TAS2R14: variants seen among roughly 807,000 people sequenced by gnomAD.
TAS2R14 encodes the protein taste 2 receptor member 14, also known as taste receptor type 2 member 14.
For synonymous variants in TAS2R14, 131 were observed against 131.0 expected (o/e 1.00, Z 0.00); for missense variants, 383 against 372.0 (o/e 1.03, Z -0.24).
exon 1 of TAS2R14, chr12:10,938,244 T>C (rs1950322364): frequency 5.9e-6 from 9 of 1,528,984 alleles, no homozygotes; most frequent in Non-Finnish European, 6.2e-6. Flanking sequence ...CTATTTTTTT[T>C]CTAATATATT....
intron 4 of TAS2R14, chr12:10,939,029 C>T (rs1476828012): frequency 6.2e-7 from 1 of 1,613,686 alleles, no homozygotes; most frequent in East Asian, 2.2e-5. Flanking sequence ...GAATATTAAC[C>T]AAACCAGGCT....
chr12:10,938,183 A>C, exon 1 of TAS2R14: 1 of 1,050,496 alleles, frequency 9.5e-7, no homozygotes, highest in Non-Finnish European at 1.4e-6. Context: ...ACACAATGAA[A>C]GAATCTTAAG....
At chr12:10,938,753 A>C (rs774994166) in exon 1 of TAS2R14, 1 of 1,613,782 alleles carries the variant, frequency 6.2e-7, no homozygotes, top group African/African-American at 1.3e-5. Context: ...ACTGGCATTT[A>C]TATGGATGTT....
chr12:10,938,082 T>C (rs1243085931), exon 1 of TAS2R14: 1 of 534,062 alleles, frequency 1.9e-6, no homozygotes, highest in Non-Finnish European at 3.3e-6. Context: ...CTTCTCTGTA[T>C]GGTAATATAC....
At chr12:10,938,448 A>G (rs750639763) in exon 1 of TAS2R14, 2 of 1,614,070 alleles carry the variant, frequency 1.2e-6, no homozygotes, top group South Asian at 2.2e-5. Flanking sequence ...AACCTTTCAG[A>G]GGTCCAAACT....
exon 5 of TAS2R14, chr12:10,938,330 G>C (rs1370908033): frequency 6.2e-7 from 1 of 1,614,004 alleles, no homozygotes. Context: ...CAGTAGCACT[G>C]ACAGAGAGGC....
chr12:10,938,522 C>T, exon 1 of TAS2R14: 1 of 1,613,988 alleles, frequency 6.2e-7, no homozygotes, highest in Non-Finnish European at 8.5e-7. Flanking sequence ...ACTTTTAACT[C>T]CTCTGTGGGC....
chr12:10,938,642 A>C, exon 1 of TAS2R14: 1 of 1,614,014 alleles, frequency 6.2e-7, no homozygotes, highest in South Asian at 1.1e-5. Flanking sequence ...AGTAAAGGGT[A>C]TGAAAATGAA....
Position 10,938,176 on chromosome 12 carries a change from C to A in TAS2R14, c.*78G>T, listed in dbSNP as rs991224059. On this transcript the variant is annotated 3_prime_UTR_variant, in exon 1 of 1. Coordinates refer to ENST00000537503, the Ensembl canonical transcript of TAS2R14. ...TTTGTAAAATTCACAAAGTTATACA[C>A]AATGAAAGAATCTTAAGGAAGTATA... 1.3e-5 allele frequency: 13 copies of A among 989,930 alleles called. No individual in the cohort carries two copies. The Admixed American group carries it at 2.5e-4, about 19-fold the overall frequency. The allele number at this position is 989,930 out of a possible 1,614,324, so 61.3% of individuals were successfully genotyped here. A position where few individuals can be genotyped will look rare whatever the true frequency, so the allele number is the denominator to read the frequency against.
chr12:10,937,799 T>C (rs1053205632), exon 1 of TAS2R14: 1 of 152,592 alleles, frequency 6.6e-6, no homozygotes, highest in Non-Finnish European at 1.5e-5. Flanking sequence ...AATTACTTTT[T>C]TGCATACACG....
At chr12:10,938,460 A>C in exon 1 of TAS2R14, 4 of 1,614,058 alleles carry the variant, frequency 2.5e-6, no homozygotes, top group Non-Finnish European at 3.4e-6. Context: ...GTCCAAACTG[A>C]TATGAAAAAA....
exon 1 of TAS2R14, chr12:10,938,734 T>A (rs763565536): frequency 6.2e-7 from 1 of 1,613,918 alleles, no homozygotes; most frequent in Non-Finnish European, 8.5e-7. Context: ...TTCTTCTGTA[T>A]CCATTGATAC....
At chr12:10,938,136 G>T in exon 1 of TAS2R14, 1 of 675,614 alleles carries the variant, frequency 1.5e-6, no homozygotes. Context: ...GGATGGTGTT[G>T]ATTCCAAGCA....
At position 10,938,594 on chromosome 12, in the gene TAS2R14, A is replaced by G. The variant is rs748057911; in HGVS notation, c.614T>C (p.Met205Thr). ...CTGCATCTTCTTGCGATGTTTCCAC[A>G]TGGAGAAGATGAGGAGAAGAAACAT... Residue 205 changes from methionine (M) to threonine (T), a missense_variant, in exon 1 of 1, where the codon ATG becomes ACG. By Grantham distance (81) the Met-to-Thr change is moderately conservative (BLOSUM62 -1). Coordinates refer to ENST00000537503, the Ensembl canonical transcript of TAS2R14. The G allele has an allele frequency of 1.1e-5, 18 of 1,613,830 alleles. 1 individual carries two copies. In the East Asian group the frequency reaches 3.6e-4, roughly 32 times the overall value.
Position 10,938,802 on chromosome 12 carries a change from C to T in TAS2R14, c.406G>A (p.Val136Met), listed in dbSNP as rs143263712. 6 of 1,613,180 alleles carry T rather than the reference C, an allele frequency of 3.7e-6. No individual in the cohort carries two copies. The African/African-American group carries it at 5.3e-5, about 14-fold the overall frequency. Residue 136 changes from valine (V) to methionine (M), a missense_variant, in exon 1 of 1, where the codon GTG (valine) becomes ATG (methionine). By Grantham distance (21) the Val-to-Met change is conservative (BLOSUM62 1). Coordinates refer to ENST00000537503, the Ensembl canonical transcript of TAS2R14. ...TTTAAAAACAAGAAGACCGAAGTCACAAGAAGCAGCACCAAAACCACCTTT... is the reference window on the plus strand; with the variant it reads ...TTTAAAAACAAGAAGACCGAAGTCATAAGAAGCAGCACCAAAACCACCTTT...
exon 1 of TAS2R14, chr12:10,938,804 A>G (rs757317056): frequency 1.9e-6 from 3 of 1,613,320 alleles, no homozygotes; most frequent in Admixed American, 3.3e-5. Context: ...CGAAGTCACA[A>G]GAAGCAGCAC....
At chr12:10,938,471 GAC>G in exon 5 of TAS2R14, 1 of 1,614,014 alleles carries the variant, frequency 6.2e-7, no homozygotes, top group Non-Finnish European at 8.5e-7. Context: ...TATGAAAAAA[GAC>G]AGAGAGAAAA....
exon 5 of TAS2R14, chr12:10,938,330 GAC>G: frequency 6.2e-7 from 1 of 1,614,004 alleles, no homozygotes; most frequent in African/African-American, 1.3e-5. Flanking sequence ...CAGTAGCACT[GAC>G]AGAGAGGCCT....
exon 1 of TAS2R14, chr12:10,938,225 T>A (rs756562757): frequency 4.2e-6 from 6 of 1,425,982 alleles, no homozygotes; most frequent in Non-Finnish European, 5.7e-6. Context: ...TACAAGAATT[T>A]CTTAGGAGCT....
Sources: allele counts gnomAD v4.1 joint callset, GRCh38; gene constraint gnomAD v4.1.1; transcripts MANE v1.5; gene names NCBI Gene and HGNC (gene_info 2026-07-23, HGNC 2026-07-21).